PCDHGA2: variants seen among roughly 807,000 people sequenced by gnomAD.
PCDHGA2 encodes protocadherin gamma-A2.
A neutral mutation model predicts 59.2 loss-of-function variants in PCDHGA2; 40 were observed. That is an observed-to-expected ratio of 0.68 (90% CI 0.52 to 0.88). The LOEUF (loss-of-function observed/expected upper bound fraction) is 0.88, where lower values mean the gene tolerates loss of function less well. Ranked by LOEUF, PCDHGA2 falls within the 40% of genes least tolerant of loss-of-function variation. The pLI is 0.00. For synonymous variants in PCDHGA2, 560 were observed against 526.0 expected (o/e 1.06, Z -0.89); for missense variants, 1,226 against 1,204.0 (o/e 1.02, Z -0.27).
chr5:141,450,278 G>A (rs977381598), intron 1 of PCDHGA2, among the ~76,000 whole-genome samples: 1 of 152,026 alleles, frequency 6.6e-6, no homozygotes, highest in Non-Finnish European at 1.5e-5. Flanking sequence ...TCAGCTAAGT[G>A]CTGGGATTAC....
At chr5:141,413,179 G>C in intron 1 of PCDHGA2, 1 of 1,602,658 alleles carries the variant, frequency 6.2e-7, no homozygotes. Context: ...GACTACAATG[G>C]CCGCTCAAAG....
chr5:141,473,048 A>T (rs1295750830), intron 1 of PCDHGA2, among the ~76,000 whole-genome samples: 4 of 151,992 alleles, frequency 2.6e-5, no homozygotes, highest in Non-Finnish European at 5.9e-5. Flanking sequence ...GAAAGAAAGA[A>T]GTGATACAAC....
Position 141,375,861 on chromosome 5 carries a change from C to A in PCDHGA2, c.2424+34466C>A, listed in dbSNP as rs567912144. 1.5e-5 allele frequency: 24 copies of A among 1,613,986 alleles called. 2 individuals are homozygous for A. In the South Asian group the frequency reaches 2.0e-4, roughly 13 times the overall value. On this transcript the variant is annotated intron_variant, in intron 1 of 3. Coordinates refer to ENST00000394576, the MANE Select transcript of PCDHGA2 (RefSeq NM_018915.4). ...GGCTACCTGGTGACCAAGGTGGTGG[C>A]GGTGGACAGAGACTCGGGCCAGAAC...
chr5:141,356,039 CT>C (rs1352227097), intron 1 of PCDHGA2: 1 of 1,613,832 alleles, frequency 6.2e-7, no homozygotes, highest in Non-Finnish European at 8.5e-7. Context: ...GTGACGTATT[CT>C]TTCCGGAAAG....
In PCDHGA2 at chr5:141,372,665, C is replaced by T. The variant is rs570619495; in HGVS notation, c.2424+31270C>T. 2.5e-6 allele frequency: 4 copies of T among 1,613,990 alleles called. No homozygotes were observed. In the African/African-American group the frequency reaches 4.0e-5, roughly 16 times the overall value. ...CTTATTCCTACAATCCGTGTGCTGC[C>T]TCACATTCCTCAAACACCGAGTTTA... On this transcript the variant is annotated intron_variant, in intron 1 of 3. Transcript: ENST00000394576.
At chr5:141,492,576 G>A (rs2099742137) in intron 1 of PCDHGA2, among the ~76,000 whole-genome samples, 1 of 152,234 alleles carries the variant, frequency 6.6e-6, no homozygotes, top group Admixed American at 6.5e-5. Context: ...AGCGAGGCGC[G>A]GGGCCAGGAG....
intron 1 of PCDHGA2, chr5:141,415,608 T>C (rs1391331847): frequency 6.2e-7 from 1 of 1,613,366 alleles, no homozygotes; most frequent in Non-Finnish European, 8.5e-7. Flanking sequence ...CCCCATTGGT[T>C]CCAGTGAGTT....
chr5:141,346,579 T>C, intron 1 of PCDHGA2: 1 of 1,393,704 alleles, frequency 7.2e-7, no homozygotes, highest in Non-Finnish European at 9.7e-7. Flanking sequence ...TTTGACTAAA[T>C]ATTTGTCCCC....
At chr5:141,358,277 T>C (rs1760874322) in intron 1 of PCDHGA2, among the ~76,000 whole-genome samples, 1 of 152,226 alleles carries the variant, frequency 6.6e-6, no homozygotes, top group Admixed American at 6.5e-5. Flanking sequence ...ACCTGTAAAA[T>C]AGAAGGCAAT....
chr5:141,351,434 T>G, intron 1 of PCDHGA2: 1 of 1,612,158 alleles, frequency 6.2e-7, no homozygotes, highest in Non-Finnish European at 8.5e-7. Context: ...CAAATTAGAA[T>G]CCACCTCGAA....
In PCDHGA2 at chr5:141,390,150, C is replaced by A. The variant is rs768850867; in HGVS notation, c.2424+48755C>A. The A allele has an allele frequency of 3.7e-6, 6 of 1,613,916 alleles. No homozygotes were observed. The African/African-American group carries it at 8.0e-5, about 22-fold the overall frequency. On this transcript the variant is annotated intron_variant, in intron 1 of 3. Transcript: ENST00000394576. ...TTATTCCTACAATCTATGTGTTGCA[C>A]ATACAGGAAAGACGGAGTTTAATTT...
In PCDHGA2 at chr5:141,476,238, G is replaced by A; in HGVS notation, c.2425-18569G>A. The A allele has an allele frequency of 1.2e-6, 2 of 1,614,098 alleles. No individual in the cohort carries two copies. ...ATTCACTATGAGATCCCGGAGGAAAGAGAGAAGGGTTTCGCTGTGGGCAAC... is the reference window on the plus strand; with the variant it reads ...ATTCACTATGAGATCCCGGAGGAAAAAGAGAAGGGTTTCGCTGTGGGCAAC... On this transcript the variant is annotated intron_variant, in intron 1 of 3. Coordinates refer to ENST00000394576, the MANE Select transcript of PCDHGA2 (RefSeq NM_018915.4). The surrounding 1 kb of genome is among the most constrained non-coding windows in gnomAD (Gnocchi z 7.6).
chr5:141,441,327 C>T (rs973149197), intron 1 of PCDHGA2: 2 of 152,196 alleles, frequency 1.3e-5, no homozygotes, highest in Admixed American at 6.5e-5. Flanking sequence ...AAAAATCTTC[C>T]TCCAATAATT....
At chr5:141,372,684 G>A (rs199934753) in intron 1 of PCDHGA2, 524 of 1,613,850 alleles carry the variant, frequency 3.2e-4, no homozygotes, top group Non-Finnish European at 4.1e-4. Flanking sequence ...CTCAAACACC[G>A]AGTTTAAATT....
chr5:141,487,275 G>T lies in PCDHGA2; in HGVS notation c.2425-7532G>T, dbSNP rs747253888. 2.5e-6 allele frequency: 4 copies of T among 1,614,158 alleles called. No homozygotes were observed. The highest frequency in any genetic ancestry group is 1.1e-5 in the South Asian group (1 of 91,074). On this transcript the variant is annotated intron_variant, in intron 1 of 3. Coordinates refer to ENST00000394576, the MANE Select transcript of PCDHGA2 (RefSeq NM_018915.4). The surrounding 1 kb of genome is among the most constrained non-coding windows in gnomAD (Gnocchi z 5.0). ...TTGGCTGTGTCCCTAGTGGCAATTT[G>T]CTTTGTCTCCTTTGGCTCATTCGTG...
chr5:141,372,918 G>A (rs1350578389), intron 1 of PCDHGA2: 1 of 1,022,894 alleles, frequency 9.8e-7, no homozygotes, highest in African/African-American at 1.6e-5. Flanking sequence ...TTATTTTATT[G>A]ATTTTCTGGT....
chr5:141,353,135 T>C (rs533447230), intron 1 of PCDHGA2, among the ~76,000 whole-genome samples: 2 of 152,300 alleles, frequency 1.3e-5, no homozygotes, highest in South Asian at 2.1e-4. Context: ...TGCTCAGTAG[T>C]CTTGGCAATT....
chr5:141,430,992 A>G (rs1223969128), intron 1 of PCDHGA2: 2 of 1,613,824 alleles, frequency 1.2e-6, no homozygotes, highest in Admixed American at 3.3e-5. Context: ...TTCGCCCTGA[A>G]TCCGCGCAGC....
intron 1 of PCDHGA2, chr5:141,343,874 C>CAGAA: frequency 1.7e-6 from 1 of 605,888 alleles, no homozygotes; most frequent in Non-Finnish European, 2.8e-6. Context: ...AAATCAGACT[C>CAGAA]AGAAGATCCG....
Sources: gnomAD v4.1 joint callset for allele counts (sites outside exome capture counted in the v4.1 genomes callset) on GRCh38, gnomAD v4.1.1 for gene constraint, Gnocchi (gnomAD v3.1) non-coding constraint, MANE v1.5 for transcripts, NCBI Gene and HGNC (gene_info 2026-07-23, HGNC 2026-07-21) for gene names.